BICDL1: variants seen among roughly 807,000 people sequenced by gnomAD.
The protein encoded by BICDL1 is BICD family like cargo adaptor 1.
In BICDL1, 20 loss-of-function variants were observed where a neutral mutation model predicts 76.8. That is an observed-to-expected ratio of 0.26 (90% CI 0.18 to 0.38). The LOEUF (loss-of-function observed/expected upper bound fraction) is 0.38. Among genes scored for constraint, BICDL1 ranks in the 10% least tolerant of loss-of-function variants. BICDL1 has a pLI of 1.00. For synonymous variants in BICDL1, 383 were observed against 337.1 expected (o/e 1.14, Z -1.49); for missense variants, 700 against 798.6 (o/e 0.88, Z 1.49).
At chr12:120,016,607 A>T (rs1459206579) in intron 2 of BICDL1, among the ~76,000 whole-genome samples, 1 of 151,582 alleles carries the variant, frequency 6.6e-6, no homozygotes, top group Non-Finnish European at 1.5e-5. Context: ...TTTTTTGTAG[A>T]GACAGTTTTG....
chr12:120,039,378 G>A (rs1200985099), intron 2 of BICDL1, among the ~76,000 whole-genome samples: 1 of 151,610 alleles, frequency 6.6e-6, no homozygotes, highest in Non-Finnish European at 1.5e-5. Flanking sequence ...GGTGGTTCAC[G>A]CCTGTAATCC....
chr12:120,071,857 A>T lies in BICDL1; in HGVS notation c.1089+56A>T. On this transcript the variant is annotated intron_variant, in intron 5 of 9. Coordinates refer to ENST00000548673, the MANE Select transcript of BICDL1 (RefSeq NM_001367886.1). The surrounding 1 kb of genome is among the most constrained non-coding windows in gnomAD (Gnocchi z 4.8). Reference sequence around the variant, plus strand: ...GGCTACCTGGGGTTGCTTAGGTCTCATCCTCCTCCCTAGTGCTCAGCTGCC... The same window carrying T: ...GGCTACCTGGGGTTGCTTAGGTCTCTTCCTCCTCCCTAGTGCTCAGCTGCC... 1 of 1,489,904 alleles carries T rather than the reference A, an allele frequency of 6.7e-7. No homozygotes were observed. The highest frequency in any genetic ancestry group is 2.5e-5 in the East Asian group (1 of 39,946). The allele number at this position is 1,489,904 out of a possible 1,614,324, so 92.3% of individuals were successfully genotyped here. A position where few individuals can be genotyped will look rare whatever the true frequency, so the allele number is the denominator to read the frequency against.
intron 2 of BICDL1, among the ~76,000 whole-genome samples, chr12:120,058,041 G>T (rs1953018538): frequency 6.6e-6 from 1 of 151,694 alleles, no homozygotes. Flanking sequence ...CACCGTGTTA[G>T]CCAGGATGGT....
chr12:120,044,911 A>G (rs1006245363), intron 2 of BICDL1, among the ~76,000 whole-genome samples: 3 of 152,118 alleles, frequency 2.0e-5, no homozygotes, highest in Non-Finnish European at 4.4e-5. Context: ...GTTCCATATG[A>G]ACTTTAAAGT....
intron 2 of BICDL1, among the ~76,000 whole-genome samples, chr12:120,052,162 T>G (rs945882951): frequency 1.3e-5 from 2 of 152,094 alleles, no homozygotes; most frequent in African/African-American, 2.4e-5. Context: ...CAGGCTGGTC[T>G]TGAACTCCTG....
At chr12:120,014,548 C>G (rs1392573861) in intron 2 of BICDL1, among the ~76,000 whole-genome samples, 1 of 151,838 alleles carries the variant, frequency 6.6e-6, no homozygotes, top group Non-Finnish European at 1.5e-5. Context: ...AAAAATTAGC[C>G]AAGTGTGGTG....
At chr12:120,007,027 GGTAGAAC>G (rs1951863459) in intron 2 of BICDL1, among the ~76,000 whole-genome samples, 1 of 152,060 alleles carries the variant, frequency 6.6e-6, no homozygotes, top group South Asian at 2.1e-4. Context: ...ATGTTTTGAA[GGTAGAAC>G]TGACAAGACT....
At chr12:119,996,920 G>A (rs143086087) in intron 1 of BICDL1, among the ~76,000 whole-genome samples, 138 of 152,044 alleles carry the variant, frequency 9.1e-4, no homozygotes, top group East Asian at 6.8e-3. Flanking sequence ...TCTTTTCAGA[G>A]GCATGCATAT....
At chr12:120,066,472 GCAGGA>G (rs1953223732) in intron 4 of BICDL1, among the ~76,000 whole-genome samples, 1 of 152,144 alleles carries the variant, frequency 6.6e-6, no homozygotes, top group South Asian at 2.1e-4. Flanking sequence ...GGGGAAAGAG[GCAGGA>G]CTAGTATGCC....
At chr12:120,043,633 T>C (rs1157349054) in intron 2 of BICDL1, among the ~76,000 whole-genome samples, 1 of 152,194 alleles carries the variant, frequency 6.6e-6, no homozygotes, top group African/African-American at 2.4e-5. Context: ...TTCCTGTGGA[T>C]GGGCTATGTA....
At chr12:119,991,501 T>C (rs1380052911) in intron 1 of BICDL1, among the ~76,000 whole-genome samples, 1 of 152,250 alleles carries the variant, frequency 6.6e-6, no homozygotes, top group Admixed American at 6.5e-5. Flanking sequence ...ACTCCTGAGA[T>C]ACCTCTCTGA....
intron 4 of BICDL1, among the ~76,000 whole-genome samples, chr12:120,070,369 A>G (rs574618428): frequency 2.0e-4 from 31 of 152,286 alleles, no homozygotes; most frequent in South Asian, 1.7e-3. Flanking sequence ...AAGGATTTCA[A>G]ACATTCCACA....
chr12:120,007,934 T>C (rs1951879710), intron 2 of BICDL1, among the ~76,000 whole-genome samples: 1 of 152,198 alleles, frequency 6.6e-6, no homozygotes, highest in Non-Finnish European at 1.5e-5. Context: ...TTTGTTCCTT[T>C]TGAGGTGGGG....
intron 4 of BICDL1, 23 bp downstream of exon 4, chr12:120,064,902 C>G: frequency 6.3e-7 from 1 of 1,585,718 alleles, no homozygotes; most frequent in South Asian, 1.2e-5. Flanking sequence ...AGAAGCTGTC[C>G]TGCAGGACTA....
At chr12:120,090,972 C>T (rs989889702) in intron 9 of BICDL1, 191 of 1,288,808 alleles carry the variant, frequency 1.5e-4, no homozygotes, top group Non-Finnish European at 1.9e-4. Context: ...TGGCCTTTCT[C>T]AGTTCCCGTA....
chr12:120,041,143 G>A (rs1952634384), intron 2 of BICDL1, among the ~76,000 whole-genome samples: 1 of 152,086 alleles, frequency 6.6e-6, no homozygotes, highest in Admixed American at 6.5e-5. Context: ...TGTATAAAGT[G>A]GATATAACAA....
chr12:120,024,950 T>C (rs926919630), intron 2 of BICDL1, among the ~76,000 whole-genome samples: 1 of 152,004 alleles, frequency 6.6e-6, no homozygotes, highest in Non-Finnish European at 1.5e-5. Context: ...AATACTGGGA[T>C]CACAGGCACG....
chr12:119,997,272 A>G (rs983803920), intron 1 of BICDL1, among the ~76,000 whole-genome samples: 2 of 152,158 alleles, frequency 1.3e-5, no homozygotes, highest in African/African-American at 2.4e-5. Context: ...ATTTCCCTCA[A>G]TCCAAAGAAA....
intron 2 of BICDL1, among the ~76,000 whole-genome samples, chr12:120,020,165 A>C (rs1952150129): frequency 6.6e-6 from 1 of 150,882 alleles, no homozygotes; most frequent in Non-Finnish European, 1.5e-5. Flanking sequence ...GGTCTGAAAC[A>C]GGAACTTGAT....
Sources: gnomAD v4.1 joint callset for allele counts (sites outside exome capture counted in the v4.1 genomes callset) on GRCh38, gnomAD v4.1.1 for gene constraint, Gnocchi (gnomAD v3.1) non-coding constraint, MANE v1.5 for transcripts, NCBI Gene and HGNC (gene_info 2026-07-23, HGNC 2026-07-21) for gene names.